SORCS1: variants seen among roughly 807,000 people sequenced by gnomAD.
The protein encoded by SORCS1 is VPS10 domain-containing receptor SorCS1.
Under a neutral mutation model 146.1 loss-of-function variants are expected in SORCS1, and 60 were observed. The observed-to-expected ratio is 0.41, with a 90% confidence interval of 0.33 to 0.51. SORCS1 has a LOEUF of 0.51. Ranked by LOEUF, SORCS1 falls within the 20% of genes least tolerant of loss-of-function variation. The pLI, the probability that SORCS1 is intolerant of heterozygous loss-of-function variation, is 0.21. For synonymous variants in SORCS1, 637 were observed against 584.0 expected (o/e 1.09, Z -1.31); for missense variants, 1,352 against 1,487.6 (o/e 0.91, Z 1.50).
intron 20 of SORCS1, 180 bp downstream of exon 20, chr10:106,620,246 GCC>G: frequency 1.6e-6 from 1 of 631,034 alleles, no homozygotes; most frequent in Non-Finnish European, 2.5e-6. Flanking sequence ...GTGGAGAGGG[GCC>G]AGAGAGAGAG....
intron 1 of SORCS1, among the ~76,000 whole-genome samples, chr10:107,016,496 C>T (rs989191757): frequency 5.9e-5 from 9 of 151,776 alleles, no homozygotes; most frequent in African/African-American, 1.9e-4. Flanking sequence ...CAGAACAAGA[C>T]TCTGTCTCAA....
At chr10:106,823,754 T>C (rs936512205) in intron 3 of SORCS1, among the ~76,000 whole-genome samples, 1 of 152,068 alleles carries the variant, frequency 6.6e-6, no homozygotes, top group East Asian at 1.9e-4. Flanking sequence ...CTCAGGGAAA[T>C]TGATTAAATT....
At chr10:107,035,691 G>A (rs183116702) in intron 1 of SORCS1, among the ~76,000 whole-genome samples, 22 of 152,116 alleles carry the variant, frequency 1.4e-4, no homozygotes, top group Middle Eastern at 3.4e-3. Context: ...GGAAAAGCTC[G>A]TATCTCACTT....
upstream of SORCS1, among the ~76,000 whole-genome samples, chr10:107,165,440 G>A (rs1460553735): frequency 2.0e-5 from 3 of 151,960 alleles, no homozygotes; most frequent in African/African-American, 7.3e-5. This position sits in a 1 kb window ranked among gnomAD's most constrained non-coding sequence, Gnocchi z 4.0. Flanking sequence ...TTAAGAAAAC[G>A]CTTTCCACTA....
intron 23 of SORCS1, among the ~76,000 whole-genome samples, chr10:106,605,612 C>A (rs1846521578): frequency 6.6e-6 from 1 of 152,142 alleles, no homozygotes; most frequent in Non-Finnish European, 1.5e-5. Context: ...ATAATCTATT[C>A]TTTCTCCCAC....
intron 2 of SORCS1, among the ~76,000 whole-genome samples, chr10:106,923,654 C>T (rs1194237773): frequency 6.6e-6 from 1 of 152,180 alleles, no homozygotes; most frequent in East Asian, 1.9e-4. Context: ...TGGATTTTAG[C>T]CATCCTAATA....
chr10:106,624,511 C>T (rs1054873807), intron 19 of SORCS1, among the ~76,000 whole-genome samples: 4 of 151,654 alleles, frequency 2.6e-5, no homozygotes, highest in African/African-American at 9.7e-5. Flanking sequence ...CAGGCGCCTG[C>T]TATCATGCCC....
At chr10:107,107,735 C>G (rs1373508665) in intron 1 of SORCS1, among the ~76,000 whole-genome samples, 5 of 152,214 alleles carry the variant, frequency 3.3e-5, no homozygotes, top group African/African-American at 1.2e-4. Context: ...AGAGGGCCAA[C>G]TCATGCCCAG....
At chr10:107,014,253 C>CAAAA (rs562179526) in intron 1 of SORCS1, among the ~76,000 whole-genome samples, 2 of 79,328 alleles carry the variant, frequency 2.5e-5, no homozygotes, top group Admixed American at 1.2e-4. Flanking sequence ...GACCCTGCGT[C>CAAAA]AAAAAAAAAA....
At chr10:106,976,114 C>G (rs1295778813) in intron 1 of SORCS1, among the ~76,000 whole-genome samples, 2 of 147,762 alleles carry the variant, frequency 1.4e-5, no homozygotes, top group Non-Finnish European at 3.0e-5. Flanking sequence ...CGATAGTACT[C>G]CAGCCTGGAC....
intron 1 of SORCS1, among the ~76,000 whole-genome samples, chr10:107,028,230 T>C (rs1958492599): frequency 6.6e-6 from 1 of 152,210 alleles, no homozygotes; most frequent in Non-Finnish European, 1.5e-5. Context: ...GCGTTTACAC[T>C]AACATATATT....
chr10:106,698,786 G>A (rs1054626663), intron 9 of SORCS1, among the ~76,000 whole-genome samples: 3 of 152,168 alleles, frequency 2.0e-5, no homozygotes, highest in African/African-American at 7.2e-5. Flanking sequence ...AAGTCCAAAT[G>A]GAGTGTCTTC....
intron 1 of SORCS1, among the ~76,000 whole-genome samples, chr10:107,041,822 A>G (rs1959166381): frequency 6.6e-6 from 1 of 152,168 alleles, no homozygotes; most frequent in South Asian, 2.1e-4. Flanking sequence ...AGACAAACCA[A>G]TTAGTGTTAA....
intron 1 of SORCS1, among the ~76,000 whole-genome samples, chr10:106,987,996 T>C (rs920045665): frequency 6.6e-6 from 1 of 152,198 alleles, no homozygotes; most frequent in African/African-American, 2.4e-5. Context: ...GACCCTGTTA[T>C]AGTAAAGGCC....
intron 1 of SORCS1, among the ~76,000 whole-genome samples, chr10:106,975,245 T>C (rs550441756): frequency 1.3e-5 from 2 of 152,336 alleles, no homozygotes; most frequent in East Asian, 3.9e-4. Context: ...AACTTCCAGT[T>C]TCTTTTAGGT....
intron 4 of SORCS1, among the ~76,000 whole-genome samples, chr10:106,772,155 T>C (rs577665222): frequency 6.6e-6 from 1 of 152,316 alleles, no homozygotes; most frequent in African/African-American, 2.4e-5. Flanking sequence ...TGGGCAAGCA[T>C]CATCCAATCC....
At chr10:106,857,496 C>G (rs1188899608) in intron 2 of SORCS1, among the ~76,000 whole-genome samples, 1 of 152,182 alleles carries the variant, frequency 6.6e-6, no homozygotes, top group South Asian at 2.1e-4. Flanking sequence ...TGTTTTGTTT[C>G]TTTCTTAAAA....
At chr10:106,648,859 C>G (rs954965637) in intron 18 of SORCS1, among the ~76,000 whole-genome samples, 90 of 151,922 alleles carry the variant, frequency 5.9e-4, no homozygotes, top group African/African-American at 2.1e-3. Context: ...GCCCTGCCCC[C>G]ATCCTGTGCC....
intron 1 of SORCS1, among the ~76,000 whole-genome samples, chr10:107,154,629 G>T (rs578049685): frequency 3.3e-5 from 5 of 152,214 alleles, no homozygotes; most frequent in African/African-American, 9.6e-5. Context: ...AAGAAGATTA[G>T]GACAGTGCCC....
Sources: allele counts gnomAD v4.1 joint callset (sites outside exome capture counted in the v4.1 genomes callset), GRCh38; gene constraint gnomAD v4.1.1; non-coding constraint Gnocchi (gnomAD v3.1); transcripts MANE v1.5; gene names NCBI Gene and HGNC (gene_info 2026-07-23, HGNC 2026-07-21).